The following MPHOSPH8 variants were observed in gnomAD, a reference collection of about 807,000 sequenced individuals.
The protein encoded by MPHOSPH8 is M-phase phosphoprotein, mpp.
MPHOSPH8 carries 45 observed loss-of-function variants against 87.3 expected under a neutral mutation model. The observed-to-expected ratio is 0.52, with a 90% CI of 0.41 to 0.66. The LOEUF (loss-of-function observed/expected upper bound fraction) is 0.66. MPHOSPH8 is among the 30% of genes least tolerant of loss of function. The pLI is 0.00. For missense variants in MPHOSPH8, 883 were observed against 1,020.2 expected, an observed-to-expected ratio of 0.87 and a Z score of 1.83; for synonymous variants, 366 against 376.9, an observed-to-expected ratio of 0.97 and a Z score of 0.33.
At chr13:19,662,772 A>G (rs1227435335) in intron 8 of MPHOSPH8, among the ~76,000 whole-genome samples, 1 of 152,192 alleles carries the variant, frequency 6.6e-6, no homozygotes, top group Non-Finnish European at 1.5e-5. Context: ...GTTTCCATAT[A>G]TTATCTTTTT....
In MPHOSPH8 at chr13:19,659,299, C is replaced by T. The variant is rs762351193; in HGVS notation, c.1791+10C>T. The T allele has an allele frequency of 2.1e-5, 33 of 1,567,336 alleles. No homozygotes were observed. The highest frequency in any genetic ancestry group is 4.1e-5 in the African/African-American group (3 of 72,784). ...TAACCTGGACCAAGAGGTAATATGT[C>T]GTTGAAAAATCTCATGAAAGGAAAA... On this transcript the variant is annotated intron_variant, in intron 7 of 13. Transcript: ENST00000361479.
intron 5 of MPHOSPH8, among the ~76,000 whole-genome samples, chr13:19,651,044 A>C (rs1431790458): frequency 1.3e-5 from 2 of 152,228 alleles, no homozygotes; most frequent in Admixed American, 6.5e-5. Context: ...TTGAGATACC[A>C]GGCAGTAAAA....
At position 19,672,052 on chromosome 13, in the gene MPHOSPH8, G is replaced by A; in HGVS notation, c.*177G>A. On this transcript the variant is annotated 3_prime_UTR_variant, in exon 14 of 14. Transcript: ENST00000361479. ...GACATAGCTGTGTCTGTGCCAGTAT[G>A]CCGGAATCTCAGTGCAGTGTCCAGA... 1 of 631,222 alleles carries A rather than the reference G, an allele frequency of 1.6e-6. No homozygotes were observed. Among genetic ancestry groups the A allele is most frequent in the Non-Finnish European group, 2.8e-6 (1 of 359,426 alleles). 39.1% of individuals were successfully genotyped at this position (631,222 alleles called of 1,614,324 possible).
chr13:19,650,516 A>C (rs1379435317), intron 5 of MPHOSPH8: 2 of 336,580 alleles, frequency 5.9e-6, no homozygotes. Context: ...TTTCTACCTT[A>C]CCTACTCTTA....
Position 19,634,061 on chromosome 13 carries a change from G to T in MPHOSPH8, c.213+100G>T, listed in dbSNP as rs908337860. The T allele has an allele frequency of 2.6e-5, 33 of 1,245,562 alleles. 1 individual carries two copies. Among genetic ancestry groups the T allele is most frequent in the East Asian group, 1.5e-4 (6 of 39,960 alleles). 77.2% of individuals were successfully genotyped at this position (1,245,562 alleles called of 1,614,324 possible). On this transcript the variant is annotated intron_variant, in intron 1 of 13. Transcript: ENST00000361479. ...GCACGGGCAGACCCAAAACAGGAGC[G>T]GGGGAGGAATGTGAGAGTTCAATGC...
intron 7 of MPHOSPH8, among the ~76,000 whole-genome samples, chr13:19,660,071 C>T (rs931885967): frequency 1.3e-5 from 2 of 150,598 alleles, no homozygotes; most frequent in African/African-American, 4.9e-5. Flanking sequence ...ACGCCATTCT[C>T]CTGCCTCAGC....
chr13:19,656,056 G>A (rs1475198574), intron 5 of MPHOSPH8, among the ~76,000 whole-genome samples: 3 of 151,844 alleles, frequency 2.0e-5, no homozygotes, highest in Non-Finnish European at 1.5e-5. Context: ...AGACGAGATC[G>A]CGCCATTGTA....
chr13:19,651,981 A>G (rs1874875758), intron 5 of MPHOSPH8, among the ~76,000 whole-genome samples: 1 of 152,110 alleles, frequency 6.6e-6, no homozygotes. Context: ...GCGTGCCTGC[A>G]GTCCCAGCCA....
At chr13:19,657,878 T>G (rs535233306) in intron 5 of MPHOSPH8, among the ~76,000 whole-genome samples, 1 of 152,318 alleles carries the variant, frequency 6.6e-6, no homozygotes, top group Non-Finnish European at 1.5e-5. Context: ...CTCAGACACC[T>G]GAATAAGAAG....
chr13:19,653,143 C>G (rs549352245), intron 5 of MPHOSPH8, among the ~76,000 whole-genome samples: 13 of 152,270 alleles, frequency 8.5e-5, no homozygotes, highest in Admixed American at 3.3e-4. Context: ...TGGGAGATAC[C>G]TCCCAGTAGG....
rs778337993 is a variant in MPHOSPH8, at chr13:19,670,306, A to G, written c.2400A>G (p.Gly800=). The G allele has an allele frequency of 2.5e-6, 4 of 1,614,152 alleles. No individual in the cohort carries two copies. Among genetic ancestry groups the G allele is most frequent in the Non-Finnish European group, 2.5e-6 (3 of 1,179,986 alleles). ...AAGAAGTTATTGCTCGGCTCTGTGG[A>G]CCGTGTAGTGTACAAGCTGTAGTTC... ...LGKEVIARLC[G]PCSVQAVVLN... Residue 800 remains glycine, a synonymous_variant, in exon 12 of 14, where the codon GGA becomes GGG. Coordinates refer to ENST00000361479, the MANE Select transcript of MPHOSPH8 (RefSeq NM_017520.4).
chr13:19,646,146 T>C (rs1874551021), intron 2 of MPHOSPH8, among the ~76,000 whole-genome samples: 1 of 152,186 alleles, frequency 6.6e-6, no homozygotes, highest in Non-Finnish European at 1.5e-5. Flanking sequence ...GAAATTCAAA[T>C]CATTTATAGC....
chr13:19,649,888 T>C, intron 4 of MPHOSPH8, 115 bp from the exon 5 acceptor site: 1 of 931,514 alleles, frequency 1.1e-6, no homozygotes, highest in South Asian at 1.8e-5. Flanking sequence ...GCAAGGTAGA[T>C]GTTAGTAAAA....
intron 5 of MPHOSPH8, among the ~76,000 whole-genome samples, chr13:19,657,572 AAAAAG>A (rs1411672674): frequency 1.3e-5 from 2 of 152,054 alleles, no homozygotes; most frequent in Non-Finnish European, 2.9e-5. Flanking sequence ...GTCTCAAAAA[AAAAAG>A]AAAAGAAAAT....
intron 8 of MPHOSPH8, among the ~76,000 whole-genome samples, chr13:19,662,079 C>G (rs56775170): frequency 0.11 from 16,226 of 151,708 alleles, 1,063 homozygotes; most frequent in African/African-American, 0.18. Flanking sequence ...GGACTACAGG[C>G]AGGTACCTGC....
Position 19,670,293 on chromosome 13 carries a change from C to G in MPHOSPH8, c.2387C>G (p.Ala796Gly), listed in dbSNP as rs556890711. 1.2e-6 allele frequency: 2 copies of G among 1,614,098 alleles called. No individual in the cohort carries two copies. Among genetic ancestry groups the G allele is most frequent in the South Asian group, 2.2e-5 (2 of 91,082 alleles). The change falls in exon 12 of 14, where the codon GCT (alanine) becomes GGT (glycine). Residue 796 changes from alanine to glycine, a missense_variant. Around this residue, in one of 3 missense-constraint regions of MPHOSPH8, gnomAD observed 741 missense variants for 841.5 expected, o/e 0.88. Coordinates refer to ENST00000361479, the MANE Select transcript of MPHOSPH8 (RefSeq NM_017520.4). ...AACTTTTTGGGTAAAGAAGTTATTGCTCGGCTCTGTGGACCGTGTAGTGTA... is the reference window on the plus strand; with the variant it reads ...AACTTTTTGGGTAAAGAAGTTATTGGTCGGCTCTGTGGACCGTGTAGTGTA... ...HANFLGKEVIARLCGPCSVQA... is the reference protein window; with the variant it reads ...HANFLGKEVIGRLCGPCSVQA...
At chr13:19,658,861 A>T in intron 5 of MPHOSPH8, 134 bp from the exon 6 acceptor site, 1 of 1,055,912 alleles carries the variant, frequency 9.5e-7, no homozygotes, top group Non-Finnish European at 1.4e-6. Flanking sequence ...CAATTAAAAG[A>T]CCCCATTATA....
intron 2 of MPHOSPH8, 84 bp downstream of exon 2, chr13:19,642,354 T>C: frequency 8.6e-7 from 1 of 1,158,366 alleles, no homozygotes; most frequent in East Asian, 2.9e-5. Flanking sequence ...AGTAAATGAT[T>C]TACAAATAAC....
rs2137487495 is a variant in MPHOSPH8, at chr13:19,633,778, G to A, written c.30G>A (p.Val10=). 6.2e-7 allele frequency: 1 copy of A among 1,604,728 alleles called. No individual in the cohort carries two copies. The highest frequency in any genetic ancestry group is 2.2e-5 in the East Asian group (1 of 44,688). MEQVAEGAR[V]TAVPVSAADS... is the part of the protein sequence containing the mutation. ...AGCAGGTTGCGGAGGGAGCAAGGGTGACCGCAGTCCCTGTGTCAGCTGCCG... is the reference window on the plus strand; with the variant it reads ...AGCAGGTTGCGGAGGGAGCAAGGGTAACCGCAGTCCCTGTGTCAGCTGCCG... Residue 10 remains valine, a synonymous_variant, in exon 1 of 14, where the codon GTG becomes GTA. Transcript: ENST00000361479.
Sources: allele counts gnomAD v4.1 joint callset (sites outside exome capture counted in the v4.1 genomes callset), GRCh38; gene constraint gnomAD v4.1.1; regional missense constraint gnomAD v4.1.1; transcripts MANE v1.5; gene names NCBI Gene and HGNC (gene_info 2026-07-23, HGNC 2026-07-21).